The following TDRD1 variants were observed in gnomAD, a reference collection of about 807,000 sequenced individuals.
TDRD1 encodes the protein tudor domain containing 1.
Under a neutral mutation model 140.6 loss-of-function variants are expected in TDRD1, and 37 were observed. The observed-to-expected ratio is 0.26, with a 90% CI of 0.20 to 0.35. TDRD1 has a LOEUF of 0.35. Ranked by LOEUF, TDRD1 falls within the 10% of genes least tolerant of loss-of-function variation. TDRD1 has a pLI of 1.00. For missense variants in TDRD1, 1,243 were observed against 1,393.0 expected, an observed-to-expected ratio of 0.89 and a Z score of 1.71; for synonymous variants, 506 against 475.7, an observed-to-expected ratio of 1.06 and a Z score of -0.83.
At chr10:114,223,409 A>G (rs191193811) in intron 21 of TDRD1, among the ~76,000 whole-genome samples, 41 of 152,326 alleles carry the variant, frequency 2.7e-4, no homozygotes, top group African/African-American at 9.6e-4. Flanking sequence ...TGCCTTCTCA[A>G]AGAGCCTTCC....
At chr10:114,199,373 T>C in intron 4 of TDRD1, 56 bp downstream of exon 4, 1 of 1,553,178 alleles carries the variant, frequency 6.4e-7, no homozygotes, top group African/African-American at 1.4e-5. Context: ...TGAAAAACAT[T>C]TTTATTGTGG....
upstream of TDRD1, among the ~76,000 whole-genome samples, chr10:114,177,009 G>C (rs934622826): frequency 6.6e-6 from 1 of 152,144 alleles, no homozygotes; most frequent in African/African-American, 2.4e-5. Context: ...GAAACCAACT[G>C]AAAGAGCTTC....
intron 8 of TDRD1, 54 bp from the exon 9 acceptor site, chr10:114,204,019 C>CT (rs1177897463): frequency 6.4e-7 from 1 of 1,566,982 alleles, no homozygotes; most frequent in Non-Finnish European, 8.6e-7. Flanking sequence ...GTTTTTTAAT[C>CT]TAAGATTGTG....
chr10:114,198,813 C>G (rs2034543376), intron 3 of TDRD1, among the ~76,000 whole-genome samples: 1 of 152,118 alleles, frequency 6.6e-6, no homozygotes, highest in Non-Finnish European at 1.5e-5. Context: ...ACCACGACAC[C>G]CGGCTAGAGA....
chr10:114,214,295 T>G (rs1334306779), intron 16 of TDRD1, among the ~76,000 whole-genome samples, 181 bp downstream of exon 16: 1 of 152,240 alleles, frequency 6.6e-6, no homozygotes, highest in African/African-American at 2.4e-5. Context: ...AAGCCATTAT[T>G]TCTATTTTCA....
chr10:114,216,615 T>G (rs1372975706), intron 16 of TDRD1, among the ~76,000 whole-genome samples: 1 of 152,224 alleles, frequency 6.6e-6, no homozygotes, highest in Admixed American at 6.5e-5. Context: ...ATCCTTGTAC[T>G]GTGATTTTTA....
chr10:114,226,642 C>G (rs1431357156), intron 22 of TDRD1, among the ~76,000 whole-genome samples: 4 of 152,214 alleles, frequency 2.6e-5, no homozygotes, highest in Non-Finnish European at 5.9e-5. Context: ...GATAAATCTG[C>G]ATATATTCAA....
At chr10:114,192,317 T>A (rs1304349514) in intron 3 of TDRD1, among the ~76,000 whole-genome samples, 1 of 133,706 alleles carries the variant, frequency 7.5e-6, no homozygotes, top group Non-Finnish European at 1.6e-5. Flanking sequence ...TTTTTTTTTT[T>A]TTTTGAGACG....
At chr10:114,175,382 A>T (rs1490653159), upstream of TDRD1, among the ~76,000 whole-genome samples, 1 of 152,114 alleles carries the variant, frequency 6.6e-6, no homozygotes, top group Admixed American at 6.5e-5. Context: ...ACCATAAGAG[A>T]AAAGAAATAC....
At chr10:114,191,290 G>A (rs1293480965) in intron 3 of TDRD1, among the ~76,000 whole-genome samples, 1 of 152,148 alleles carries the variant, frequency 6.6e-6, no homozygotes, top group East Asian at 1.9e-4. Flanking sequence ...CTGGGTTATT[G>A]ATACACCATC....
At chr10:114,199,316 T>G (rs1201744600) in exon 4 of TDRD1, 6 of 1,599,356 alleles carry the variant, frequency 3.8e-6, no homozygotes, top group Admixed American at 1.8e-5. Context: ...GTGGCCTATT[T>G]GGTAAGCATA....
intron 14 of TDRD1, among the ~76,000 whole-genome samples, chr10:114,212,360 C>A (rs1234480673): frequency 6.6e-6 from 1 of 152,168 alleles, no homozygotes; most frequent in Non-Finnish European, 1.5e-5. Context: ...TACATTCCCA[C>A]AGGTGGAACA....
At chr10:114,231,160 G>T (rs1280060311) in intron 25 of TDRD1, among the ~76,000 whole-genome samples, 1 of 152,210 alleles carries the variant, frequency 6.6e-6, no homozygotes, top group Non-Finnish European at 1.5e-5. Context: ...AAACAGAAGT[G>T]CTGTGGTGAT....
exon 8 of TDRD1, chr10:114,203,474 T>G (rs1402705970): frequency 5.0e-6 from 8 of 1,614,036 alleles, no homozygotes; most frequent in Non-Finnish European, 6.8e-6. Flanking sequence ...ACCAACTCTC[T>G]GCCAGCTTAA....
At chr10:114,207,948 G>T (rs751677175) in intron 11 of TDRD1, among the ~76,000 whole-genome samples, 5 of 152,056 alleles carry the variant, frequency 3.3e-5, no homozygotes, top group African/African-American at 4.8e-5. Context: ...ATAGAGAAGT[G>T]CAGGGTGCAA....
intron 3 of TDRD1, among the ~76,000 whole-genome samples, chr10:114,197,000 C>T (rs2034410173): frequency 6.6e-6 from 1 of 151,810 alleles, no homozygotes; most frequent in Non-Finnish European, 1.5e-5. Flanking sequence ...ATGCCCTCCA[C>T]CACACCCAGC....
At chr10:114,227,211 G>C (rs758621673) in exon 23 of TDRD1, 1 of 1,614,140 alleles carries the variant, frequency 6.2e-7, no homozygotes, top group Non-Finnish European at 8.5e-7. Flanking sequence ...AATGTTCTGA[G>C]AATGGGACTG....
chr10:114,196,074 T>C (rs1177789216), intron 3 of TDRD1, among the ~76,000 whole-genome samples: 1 of 152,208 alleles, frequency 6.6e-6, no homozygotes, highest in Non-Finnish European at 1.5e-5. Context: ...TTCAGACAGT[T>C]TATCATTTTT....
chr10:114,214,761 G>A (rs1163189087), intron 16 of TDRD1, among the ~76,000 whole-genome samples: 1 of 146,768 alleles, frequency 6.8e-6, no homozygotes, highest in Admixed American at 6.8e-5. Flanking sequence ...TCATTGAGAT[G>A]GAGTCTCGCT....
Sources: allele counts gnomAD v4.1 joint callset (sites outside exome capture counted in the v4.1 genomes callset), GRCh38; gene constraint gnomAD v4.1.1; transcripts MANE v1.5; gene names NCBI Gene and HGNC (gene_info 2026-07-23, HGNC 2026-07-21).